RBFOX1: variants seen among roughly 807,000 people sequenced by gnomAD.
RBFOX1 encodes the protein RNA binding protein fox-1 homolog 1.
A neutral mutation model predicts 57.7 loss-of-function variants in RBFOX1; 8 were observed. The ratio of observed to expected loss-of-function variants is 0.14; its 90% CI spans 0.08 to 0.25. RBFOX1 has a LOEUF of 0.25. Among genes scored for constraint, RBFOX1 ranks in the 10% least tolerant of loss-of-function variants. The probability of loss-of-function intolerance (pLI) is 1.00; values close to 1 mark genes in which losing one functional copy is unlikely to be tolerated. For synonymous variants in RBFOX1, 326 were observed against 222.4 expected, an observed-to-expected ratio of 1.47 and a Z score of -4.15; for missense variants, 611 against 548.5, an observed-to-expected ratio of 1.11 and a Z score of -1.14.
chr16:5,550,929 G>T (rs930302876), intron 2 of RBFOX1, among the ~76,000 whole-genome samples: 1 of 152,142 alleles, frequency 6.6e-6, no homozygotes, highest in Non-Finnish European at 1.5e-5. Flanking sequence ...CAGAGTCTTG[G>T]AAACCACAGC....
At chr16:6,986,724 G>A (rs546506359) in intron 3 of RBFOX1, among the ~76,000 whole-genome samples, 1 of 151,616 alleles carries the variant, frequency 6.6e-6, no homozygotes, top group African/African-American at 2.4e-5. Context: ...TTCTTGATGG[G>A]TATCTTTTCG....
chr16:6,033,984 G>A (rs2095326860), intron 1 of RBFOX1, among the ~76,000 whole-genome samples: 1 of 152,152 alleles, frequency 6.6e-6, no homozygotes, highest in South Asian at 2.1e-4. Context: ...TATTGGAAGT[G>A]TCTTAGTCTA....
At chr16:6,851,638 G>T (rs1396846312) in intron 3 of RBFOX1, among the ~76,000 whole-genome samples, 2 of 152,140 alleles carry the variant, frequency 1.3e-5, no homozygotes, top group Non-Finnish European at 2.9e-5. Flanking sequence ...CAAGCCTCCT[G>T]TTGTCAGGGA....
chr16:5,335,473 C>T (rs1406335513), intron 1 of RBFOX1, among the ~76,000 whole-genome samples: 1 of 152,196 alleles, frequency 6.6e-6, no homozygotes, highest in African/African-American at 2.4e-5. Flanking sequence ...CTCCATTGCA[C>T]ATGAGTGACC....
intron 1 of RBFOX1, among the ~76,000 whole-genome samples, chr16:6,176,232 G>A (rs1328338907): frequency 1.3e-5 from 2 of 151,574 alleles, no homozygotes; most frequent in East Asian, 3.9e-4. Context: ...TGCAACCTCG[G>A]CCTCCCCAGT....
chr16:7,675,043 A>G (rs1347911560), intron 13 of RBFOX1, among the ~76,000 whole-genome samples: 1 of 152,146 alleles, frequency 6.6e-6, no homozygotes, highest in East Asian at 1.9e-4. Flanking sequence ...TCTCCACTCA[A>G]AACTTTAAGC....
chr16:6,337,673 C>T (rs891876960), intron 2 of RBFOX1, among the ~76,000 whole-genome samples: 8 of 152,132 alleles, frequency 5.3e-5, no homozygotes, highest in East Asian at 1.9e-4. Flanking sequence ...CTAATTGATA[C>T]GTGTCTTAGG....
chr16:6,676,036 A>T (rs1401081131), intron 3 of RBFOX1, among the ~76,000 whole-genome samples: 1 of 151,992 alleles, frequency 6.6e-6, no homozygotes, highest in Admixed American at 6.6e-5. Context: ...GGTCCTCAAA[A>T]GGTTTAAAGG....
Position 7,386,183 on chromosome 16 carries a change from A to G in RBFOX1, c.28-131964A>G, listed in dbSNP as rs190218531. 2.5e-3 allele frequency among the ~76,000 whole-genome samples: 380 copies of G among 152,184 alleles called. 5 individuals are homozygous for G. The highest frequency in any genetic ancestry group is 6.9e-4 in the Non-Finnish European group (47 of 68,002). ...CTCAGAGATATCAGATGTAGGGCAA[A>G]GCGGGTATCTGCATCCCCCAAGTTC... On this transcript the variant is annotated intron_variant, in intron 4 of 15. Coordinates refer to ENST00000550418, the MANE Select transcript of RBFOX1 (RefSeq NM_018723.4).
At chr16:5,656,169 T>A (rs576763504) in intron 3 of RBFOX1, among the ~76,000 whole-genome samples, 2 of 152,310 alleles carry the variant, frequency 1.3e-5, no homozygotes, top group African/African-American at 4.8e-5. Context: ...GTTTCTCTTC[T>A]TAGGTGCATG....
At chr16:7,568,847 A>G (rs1274290788) in intron 5 of RBFOX1, among the ~76,000 whole-genome samples, 2 of 131,210 alleles carry the variant, frequency 1.5e-5, no homozygotes, top group East Asian at 4.6e-4. Context: ...AGATCACGCC[A>G]CTGCACTCCA....
intron 1 of RBFOX1, among the ~76,000 whole-genome samples, chr16:6,060,992 C>A (rs12922051): frequency 0.54 from 81,811 of 151,768 alleles, 22,639 homozygotes; most frequent in Non-Finnish European, 0.61. Flanking sequence ...TCCATGCATT[C>A]ATTTACAGTT....
intron 4 of RBFOX1, among the ~76,000 whole-genome samples, chr16:7,471,501 A>G (rs2061546992): frequency 6.6e-6 from 1 of 152,198 alleles, no homozygotes; most frequent in Non-Finnish European, 1.5e-5. Context: ...CCTTGTTAAA[A>G]GACATAAGGT....
intron 3 of RBFOX1, among the ~76,000 whole-genome samples, chr16:6,847,786 T>C (rs2093837183): frequency 6.6e-6 from 1 of 152,118 alleles, no homozygotes; most frequent in African/African-American, 2.4e-5. Flanking sequence ...AGAAATTAAA[T>C]AAAATCTGGT....
chr16:6,437,492 CT>C (rs1200335709), intron 2 of RBFOX1, among the ~76,000 whole-genome samples: 1 of 152,214 alleles, frequency 6.6e-6, no homozygotes, highest in Non-Finnish European at 1.5e-5. Flanking sequence ...CCCACTGACA[CT>C]GCTTCATTAG....
intron 1 of RBFOX1, chr16:5,289,426 G>A (rs748814365): frequency 2.4e-4 from 71 of 290,666 alleles, no homozygotes; most frequent in Admixed American, 1.3e-4. Context: ...TGTGCGAGAA[G>A]TATCAAATAC....
intron 2 of RBFOX1, among the ~76,000 whole-genome samples, chr16:6,352,139 A>G (rs1302807906): frequency 6.6e-6 from 1 of 152,196 alleles, no homozygotes; most frequent in Non-Finnish European, 1.5e-5. Context: ...TATATAATAA[A>G]AAGCAACCAG....
chr16:5,859,043 A>G (rs1354317582), intron 3 of RBFOX1, among the ~76,000 whole-genome samples: 1 of 152,182 alleles, frequency 6.6e-6, no homozygotes, highest in Non-Finnish European at 1.5e-5. Context: ...CATCTCTACT[A>G]AAAATACAGA....
chr16:6,560,258 C>T (rs929573895), intron 2 of RBFOX1, among the ~76,000 whole-genome samples: 1 of 150,842 alleles, frequency 6.6e-6, no homozygotes, highest in African/African-American at 2.4e-5. Flanking sequence ...GTGCGTGATG[C>T]CTGAGCAAAT....
Sources: allele counts gnomAD v4.1 joint callset (sites outside exome capture counted in the v4.1 genomes callset), GRCh38; gene constraint gnomAD v4.1.1; transcripts MANE v1.5; gene names NCBI Gene and HGNC (gene_info 2026-07-23, HGNC 2026-07-21).